The following NDUFA9 variants were observed in gnomAD, a reference collection of about 807,000 sequenced individuals.
NDUFA9 encodes NADH dehydrogenase [ubiquinone] 1 alpha subcomplex subunit 9, mitochondrial.
NDUFA9 carries 23 observed loss-of-function variants against 45.9 expected under a neutral mutation model. That is an observed-to-expected ratio of 0.50 (90% CI 0.36 to 0.71). NDUFA9 has a LOEUF of 0.71. Among genes scored for constraint, NDUFA9 ranks in the 30% least tolerant of loss-of-function variants. The probability of loss-of-function intolerance (pLI) is 0.00; values close to 1 mark genes in which losing one functional copy is unlikely to be tolerated. For missense variants in NDUFA9, 466 were observed against 488.2 expected, an observed-to-expected ratio of 0.95 and a Z score of 0.43; for synonymous variants, 176 against 170.5, an observed-to-expected ratio of 1.03 and a Z score of -0.25.
At chr12:4,663,283 C>G (rs1051121745) in intron 6 of NDUFA9, among the ~76,000 whole-genome samples, 3 of 152,050 alleles carry the variant, frequency 2.0e-5, no homozygotes, top group African/African-American at 7.2e-5. Flanking sequence ...CACCTAACAT[C>G]TGTAATAATT....
intron 8 of NDUFA9, among the ~76,000 whole-genome samples, chr12:4,673,603 TA>T (rs2137478750): frequency 7.6e-6 from 1 of 131,034 alleles, no homozygotes; most frequent in Admixed American, 8.0e-5. Flanking sequence ...CTCAACGAAA[TA>T]AAGTGAAAAG....
intron 3 of NDUFA9, 196 bp downstream of exon 3, chr12:4,655,118 T>C (rs1452594897): frequency 7.6e-6 from 4 of 526,788 alleles, no homozygotes; most frequent in East Asian, 6.2e-5. Flanking sequence ...GTTGGCAAAC[T>C]TTTTCTTTGA....
At chr12:4,673,126 G>C (rs1207064979) in intron 8 of NDUFA9, among the ~76,000 whole-genome samples, 2 of 152,162 alleles carry the variant, frequency 1.3e-5, no homozygotes, top group Non-Finnish European at 2.9e-5. Context: ...CTGCAGCAGA[G>C]GGGCCTGTTA....
In NDUFA9 at chr12:4,691,137, G is replaced by A. The variant is rs549518279; in HGVS notation, c.*4029G>A. ...CAAGTCACTTGACCTCTCTTTGTCA[G>A]CCTCAGTTTTCTTGTTTATAAAATG... is the stretch of plus-strand genomic sequence containing the variant. On this transcript the variant is annotated 3_prime_UTR_variant, in exon 11 of 11. Coordinates refer to ENST00000266544, the MANE Select transcript of NDUFA9 (RefSeq NM_005002.5). The A allele has an allele frequency of 6.6e-6, 1 of 152,310 alleles. No individual in the cohort carries two copies. Among genetic ancestry groups the A allele is most frequent in the South Asian group, 2.1e-4 (1 of 4,824 alleles). The allele number at this position is 152,310 out of a possible 1,614,324, so 9.4% of individuals were successfully genotyped here.
At chr12:4,665,746 GTT>G (rs10657164) in intron 6 of NDUFA9, among the ~76,000 whole-genome samples, 219 of 143,912 alleles carry the variant, frequency 1.5e-3, no homozygotes, top group African/African-American at 4.3e-3. Context: ...GTTATTTTCT[GTT>G]TTTTTTTTTT....
At chr12:4,678,861 T>G (rs1945936327) in intron 8 of NDUFA9, among the ~76,000 whole-genome samples, 1 of 152,180 alleles carries the variant, frequency 6.6e-6, no homozygotes, top group African/African-American at 2.4e-5. Flanking sequence ...GAAAACAGTT[T>G]GGCATCTTCT....
At chr12:4,672,008 G>A (rs1945889928) in intron 8 of NDUFA9, among the ~76,000 whole-genome samples, 1 of 152,196 alleles carries the variant, frequency 6.6e-6, no homozygotes, top group African/African-American at 2.4e-5. Flanking sequence ...TGACACAGAA[G>A]GCGAGTGATT....
At chr12:4,668,005 C>T (rs2137473816) in intron 6 of NDUFA9, among the ~76,000 whole-genome samples, 1 of 152,168 alleles carries the variant, frequency 6.6e-6, no homozygotes, top group East Asian at 1.9e-4. Flanking sequence ...TTCCATCAGG[C>T]CCTTTTTCTG....
Position 4,649,154 on chromosome 12 carries a change from G to C in NDUFA9, c.28G>C (p.Val10Leu). ...GGCGGCTGCCGCACAATCCCGGGTTGTCCGGGTCCTGTCAATGTCACGTAA... is the reference window on the plus strand; with the variant it reads ...GGCGGCTGCCGCACAATCCCGGGTTCTCCGGGTCCTGTCAATGTCACGTAA... MAAAAQSRV[V>L]RVLSMSRSAI... The change falls in exon 1 of 11, where the codon GTC becomes CTC. Residue 10 changes from valine (V) to leucine (L), a missense_variant. Coordinates refer to ENST00000266544, the MANE Select transcript of NDUFA9 (RefSeq NM_005002.5). The C allele has an allele frequency of 6.2e-7, 1 of 1,605,600 alleles. No homozygotes were observed. Among genetic ancestry groups the C allele is most frequent in the Middle Eastern group, 1.7e-4 (1 of 6,008 alleles).
At chr12:4,666,425 T>C (rs1166028250) in intron 6 of NDUFA9, among the ~76,000 whole-genome samples, 3 of 152,220 alleles carry the variant, frequency 2.0e-5, no homozygotes, top group Non-Finnish European at 2.9e-5. Context: ...TTTTGTTGCC[T>C]GTGCTTTTAG....
At chr12:4,662,869 G>T (rs1945831532) in intron 6 of NDUFA9, among the ~76,000 whole-genome samples, 1 of 152,154 alleles carries the variant, frequency 6.6e-6, no homozygotes, top group Non-Finnish European at 1.5e-5. Context: ...TCAGAGACTT[G>T]AGTTTAAGTC....
At position 4,694,022 on chromosome 12, in the gene NDUFA9, C is replaced by T. The variant is rs935479066; in HGVS notation, c.*6914C>T. The T allele has an allele frequency of 1.3e-5, 2 of 152,138 alleles. No homozygotes were observed. Among genetic ancestry groups the T allele is most frequent in the African/African-American group, 2.4e-5 (1 of 41,422 alleles). The allele number at this position is 152,138 out of a possible 1,614,324, so 9.4% of individuals were successfully genotyped here. A position where few individuals can be genotyped will look rare whatever the true frequency, so the allele number is the denominator to read the frequency against. On this transcript the variant is annotated 3_prime_UTR_variant, in exon 11 of 11. Transcript: ENST00000266544. ...GATCCCATTGTACTTCAGTGGAAAA[C>T]TATGCATTGTCTGGAATCTAGACTC...
At position 4,693,559 on chromosome 12, in the gene NDUFA9, A is replaced by G. The variant is rs913839522; in HGVS notation, c.*6451A>G. 3.3e-5 allele frequency: 5 copies of G among 152,204 alleles called. No homozygotes were observed. Among genetic ancestry groups the G allele is most frequent in the Non-Finnish European group, 7.3e-5 (5 of 68,060 alleles). The allele number at this position is 152,204 out of a possible 1,614,324, so 9.4% of individuals were successfully genotyped here. ...ACCAGGCAAGGGTCTTTGCTGACAG[A>G]TGTCTGGGCCTTCTTGACAGCAGGT... is the stretch of plus-strand genomic sequence containing the variant. On this transcript the variant is annotated 3_prime_UTR_variant, in exon 11 of 11. Coordinates refer to ENST00000266544, the MANE Select transcript of NDUFA9 (RefSeq NM_005002.5).
chr12:4,662,462 A>G, intron 5 of NDUFA9, 71 bp from the exon 6 acceptor site: 1 of 1,129,706 alleles, frequency 8.9e-7, no homozygotes, highest in Non-Finnish European at 1.3e-6. Context: ...TCATGTCTTA[A>G]TAGTGGAAAG....
intron 9 of NDUFA9, among the ~76,000 whole-genome samples, chr12:4,683,539 AAT>A (rs1217686339): frequency 6.6e-6 from 1 of 152,228 alleles, no homozygotes; most frequent in Non-Finnish European, 1.5e-5. Context: ...GTACCAGAAA[AAT>A]AGACCACTAG....
intron 6 of NDUFA9, among the ~76,000 whole-genome samples, chr12:4,663,030 A>G (rs1055493409): frequency 2.0e-5 from 3 of 152,146 alleles, no homozygotes; most frequent in African/African-American, 4.8e-5. Context: ...TATTGTCTCT[A>G]TAGTTTTGCC....
At chr12:4,680,243 T>TA (rs77191004) in intron 8 of NDUFA9, among the ~76,000 whole-genome samples, 30,423 of 151,968 alleles carry the variant, frequency 0.2, 3,482 homozygotes, top group South Asian at 0.46. Flanking sequence ...AAATTACTGA[T>TA]AAAAAAATAA....
intron 8 of NDUFA9, among the ~76,000 whole-genome samples, chr12:4,677,344 T>C (rs1433206781): frequency 4.6e-5 from 7 of 152,166 alleles, no homozygotes; most frequent in Admixed American, 3.9e-4. Context: ...CAAAAGAAAC[T>C]ATCATCAGAG....
At chr12:4,650,160 C>T (rs1945748746) in intron 1 of NDUFA9, among the ~76,000 whole-genome samples, 1 of 152,146 alleles carries the variant, frequency 6.6e-6, no homozygotes, top group South Asian at 2.1e-4. Flanking sequence ...AGATTAGCTC[C>T]TTGCACCTTA....
Sources: gnomAD v4.1 joint callset for allele counts (sites outside exome capture counted in the v4.1 genomes callset) on GRCh38, gnomAD v4.1.1 for gene constraint, MANE v1.5 for transcripts, NCBI Gene and HGNC (gene_info 2026-07-23, HGNC 2026-07-21) for gene names.